Variants in SNX29 observed in about 807,000 individuals in gnomAD.
The protein encoded by SNX29 is sorting nexin 29.
A neutral mutation model predicts 102.1 loss-of-function variants in SNX29; 78 were observed. That is an observed-to-expected ratio of 0.76 (90% CI 0.64 to 0.92). SNX29 has a LOEUF of 0.92. Ranked by LOEUF, SNX29 falls within the 40% of genes least tolerant of loss-of-function variation. The pLI, the probability that SNX29 is intolerant of heterozygous loss-of-function variation, is 0.00. For synonymous variants in SNX29, 580 were observed against 414.5 expected (o/e 1.40, Z -4.85); for missense variants, 1,280 against 1,061.7 (o/e 1.21, Z -2.86).
chr16:12,403,202 ATG>A (rs67193889), intron 17 of SNX29, among the ~76,000 whole-genome samples: 14,428 of 69,912 alleles, frequency 0.21, 761 homozygotes, highest in Middle Eastern at 0.28. Flanking sequence ...TTGTGTGTGT[ATG>A]TGTGTGTGTG....
At chr16:12,120,127 G>A (rs1489396608) in intron 11 of SNX29, among the ~76,000 whole-genome samples, 2 of 152,186 alleles carry the variant, frequency 1.3e-5, no homozygotes. Flanking sequence ...TTTAGAGCTC[G>A]ATATAGTTTA....
rs114057182 is a variant in SNX29, at chr16:12,305,672, C to T, written c.1782+27636C>T. Among the ~76,000 whole-genome samples the T allele has an allele frequency of 2.7e-3, 418 of 152,180 alleles. 1 individual carries two copies. Among genetic ancestry groups the T allele is most frequent in the African/African-American group, 9.6e-3 (400 of 41,510 alleles). ...TTATCATGATTACTGAGCTTTTTGC[C>T]ACCTCCTTAAATTTTGCACCTAGAT... On this transcript the variant is annotated intron_variant, in intron 15 of 20. Coordinates refer to ENST00000566228, the MANE Select transcript of SNX29 (RefSeq NM_032167.5).
Position 12,386,125 on chromosome 16 carries a change from C to G in SNX29, c.1900-12321C>G, listed in dbSNP as rs1026175068. On this transcript the variant is annotated intron_variant, in intron 16 of 20. Coordinates refer to ENST00000566228, the MANE Select transcript of SNX29 (RefSeq NM_032167.5). Reference sequence around the variant, plus strand: ...GCAAAACATCTTCTTTCCTCACCCTCAGGCTCTCTGAGCCAGCACCTCCTG... The same window carrying G: ...GCAAAACATCTTCTTTCCTCACCCTGAGGCTCTCTGAGCCAGCACCTCCTG... 2.0e-5 allele frequency among the ~76,000 whole-genome samples: 3 copies of G among 152,222 alleles called. No individual in the cohort carries two copies. In the East Asian group the frequency reaches 5.8e-4, roughly 29 times the overall value.
chr16:12,524,922 A>G, intron 20 of SNX29, 81 bp downstream of exon 20: 1 of 1,562,868 alleles, frequency 6.4e-7, no homozygotes, highest in South Asian at 1.2e-5. Flanking sequence ...CAGGGAGCAC[A>G]GCGGCTCTCC....
rs544836518 is a variant in SNX29, at chr16:12,472,557, A to G, written c.2038-5162A>G. Among the ~76,000 whole-genome samples the G allele has an allele frequency of 2.6e-3, 396 of 150,446 alleles. 4 individuals carry two copies. The highest frequency in any genetic ancestry group is 9.2e-3 in the African/African-American group (377 of 41,028). On this transcript the variant is annotated intron_variant, in intron 18 of 20. Transcript: ENST00000566228. ...AAAAAAAAAAAACAAAAAAAAAAAG[A>G]AAAAAACAGGGAGGAAATCTAGGGG... is the stretch of plus-strand genomic sequence containing the variant.
At chr16:12,221,329 G>C (rs1295791781) in intron 14 of SNX29, among the ~76,000 whole-genome samples, 1 of 152,152 alleles carries the variant, frequency 6.6e-6, no homozygotes. Flanking sequence ...AGGGTGACCA[G>C]ATGGACCAGG....
At chr16:12,167,209 G>A (rs558654704) in intron 13 of SNX29, among the ~76,000 whole-genome samples, 3 of 152,194 alleles carry the variant, frequency 2.0e-5, no homozygotes, top group African/African-American at 7.2e-5. Context: ...TTTCCCTCAT[G>A]AGAAGTCTGG....
chr16:12,339,717 A>G (rs924167469), intron 15 of SNX29, among the ~76,000 whole-genome samples: 2 of 152,220 alleles, frequency 1.3e-5, no homozygotes, highest in South Asian at 4.1e-4. Context: ...CTTATGTCCT[A>G]TGAGCTTAGC....
intron 15 of SNX29, among the ~76,000 whole-genome samples, chr16:12,339,879 C>T (rs994188630): frequency 5.3e-5 from 8 of 152,190 alleles, no homozygotes; most frequent in Non-Finnish European, 1.2e-4. Context: ...GGCCAGGGCA[C>T]GTGGCCAACA....
chr16:12,350,598 C>T (rs2081966229), intron 15 of SNX29, among the ~76,000 whole-genome samples: 1 of 152,206 alleles, frequency 6.6e-6, no homozygotes, highest in Admixed American at 6.5e-5. Context: ...AGCGAGAGTT[C>T]AGAGGTGGAG....
intron 15 of SNX29, among the ~76,000 whole-genome samples, chr16:12,316,939 T>C (rs209848): frequency 0.56 from 84,913 of 151,748 alleles, 24,203 homozygotes; most frequent in African/African-American, 0.61. Flanking sequence ...GGATTCAAAA[T>C]TGATCATACA....
chr16:12,184,478 C>T (rs1240502012), intron 13 of SNX29, among the ~76,000 whole-genome samples: 1 of 152,162 alleles, frequency 6.6e-6, no homozygotes, highest in African/African-American at 2.4e-5. Context: ...GTTCAGATCT[C>T]CTAGAGCCTC....
intron 18 of SNX29, among the ~76,000 whole-genome samples, chr16:12,469,338 A>C (rs1384169411): frequency 1.3e-5 from 2 of 152,246 alleles, no homozygotes; most frequent in African/African-American, 4.8e-5. Flanking sequence ...GGACACTTAT[A>C]GTTAATAACA....
At chr16:12,327,332 A>C (rs1040290119) in intron 15 of SNX29, among the ~76,000 whole-genome samples, 1 of 152,168 alleles carries the variant, frequency 6.6e-6, no homozygotes, top group African/African-American at 2.4e-5. Flanking sequence ...TGTATTAATT[A>C]GCTAGAGCTG....
intron 15 of SNX29, among the ~76,000 whole-genome samples, chr16:12,282,083 CA>C (rs758827865): frequency 0.041 from 2,553 of 61,906 alleles, 15 homozygotes; most frequent in Middle Eastern, 0.094. Context: ...GACTCCATCT[CA>C]AAAAAAAAAA....
intron 15 of SNX29, among the ~76,000 whole-genome samples, chr16:12,353,953 T>C (rs2082062040): frequency 6.6e-6 from 1 of 152,168 alleles, no homozygotes; most frequent in African/African-American, 2.4e-5. Context: ...TCTGTGGGTG[T>C]TGAAAAATAA....
chr16:12,349,285 T>C (rs2151287965), intron 15 of SNX29, among the ~76,000 whole-genome samples: 1 of 152,364 alleles, frequency 6.6e-6, no homozygotes, highest in East Asian at 1.9e-4. Context: ...TGTCACTCCC[T>C]GGACCCACCG....
At chr16:12,075,800 G>A (rs1429350078) in intron 10 of SNX29, among the ~76,000 whole-genome samples, 4 of 152,182 alleles carry the variant, frequency 2.6e-5, no homozygotes, top group Non-Finnish European at 5.9e-5. Context: ...AGGCCTCCTT[G>A]AGCTGTGGTG....
chr16:12,256,582 C>T lies in SNX29; in HGVS notation c.1679-21351C>T, dbSNP rs142088404. Among the ~76,000 whole-genome samples, 796 of 152,288 alleles carry T rather than the reference C, an allele frequency of 5.2e-3. 7 individuals carry two copies. Among genetic ancestry groups the T allele is most frequent in the African/African-American group, 0.017 (727 of 41,548 alleles). Reference sequence around the variant, plus strand: ...ACCTCAAGTGATCCGCCTGCTTCGGCCCCCAAAGTGTTGGGATTACAGGTG... The same window carrying T: ...ACCTCAAGTGATCCGCCTGCTTCGGTCCCCAAAGTGTTGGGATTACAGGTG... On this transcript the variant is annotated intron_variant, in intron 14 of 20. Coordinates refer to ENST00000566228, the MANE Select transcript of SNX29 (RefSeq NM_032167.5).
Sources: gnomAD v4.1 joint callset for allele counts (sites outside exome capture counted in the v4.1 genomes callset) on GRCh38, gnomAD v4.1.1 for gene constraint, MANE v1.5 for transcripts, NCBI Gene and HGNC (gene_info 2026-07-23, HGNC 2026-07-21) for gene names.